The following HPF1 variants were observed in gnomAD, a reference collection of about 807,000 sequenced individuals.
HPF1 encodes UPF0609 protein C4orf27.
In HPF1, 35 loss-of-function variants were observed where a neutral mutation model predicts 38.8. The observed-to-expected ratio is 0.90, with a 90% CI of 0.69 to 1.19. HPF1 has a LOEUF of 1.19. HPF1 is among the 50% of genes most tolerant of loss of function. HPF1 has a pLI of 0.00. For missense variants in HPF1, 367 were observed against 405.8 expected (o/e 0.90, Z 0.82); for synonymous variants, 115 against 139.2 (o/e 0.83, Z 1.22).
chr4:169,735,313 A>G (rs1017680316), intron 6 of HPF1, among the ~76,000 whole-genome samples: 9 of 152,202 alleles, frequency 5.9e-5, no homozygotes, highest in African/African-American at 2.4e-5. Flanking sequence ...GAATTGCTCA[A>G]TAAAACGTAT....
intron 5 of HPF1, 124 bp downstream of exon 5, chr4:169,741,833 A>AG: frequency 5.2e-6 from 4 of 764,952 alleles, no homozygotes; most frequent in Non-Finnish European, 8.3e-6. Context: ...AACATCCCTA[A>AG]GGGACAGCAT....
chr4:169,742,623 T>G (rs534591910), intron 4 of HPF1, among the ~76,000 whole-genome samples: 2 of 152,122 alleles, frequency 1.3e-5, no homozygotes, highest in Non-Finnish European at 2.9e-5. Flanking sequence ...AAACCCCGTC[T>G]CTACTAAAAA....
chr4:169,756,576 C>T (rs1191181127), intron 1 of HPF1, among the ~76,000 whole-genome samples: 1 of 152,178 alleles, frequency 6.6e-6, no homozygotes, highest in African/African-American at 2.4e-5. Flanking sequence ...GTTACTTAAC[C>T]TCTCTGTGCT....
intron 4 of HPF1, among the ~76,000 whole-genome samples, chr4:169,742,583 G>A (rs541705403): frequency 6.6e-6 from 1 of 152,166 alleles, no homozygotes; most frequent in African/African-American, 2.4e-5. Flanking sequence ...ATGAGGTCAG[G>A]AGATCAAGAC....
intron 6 of HPF1, among the ~76,000 whole-genome samples, chr4:169,732,455 TAA>T (rs1733842627): frequency 6.6e-6 from 1 of 152,170 alleles, no homozygotes; most frequent in Admixed American, 6.5e-5. Flanking sequence ...ATGATTTTTT[TAA>T]AAAGTCTATT....
intron 1 of HPF1, among the ~76,000 whole-genome samples, chr4:169,756,370 A>G (rs1364263183): frequency 1.3e-5 from 2 of 152,232 alleles, no homozygotes; most frequent in Admixed American, 1.3e-4. Context: ...CATCAAATAT[A>G]GAACAGTAGG....
intron 5 of HPF1, among the ~76,000 whole-genome samples, chr4:169,738,991 G>C (rs1235638308): frequency 6.6e-6 from 1 of 151,878 alleles, no homozygotes; most frequent in African/African-American, 2.4e-5. Context: ...GCCTGTGGTG[G>C]GGTGGGGGGA....
rs138858054 is a variant in HPF1 at position 169,741,357 on chromosome 4, C to G, written c.648+600G>C. ...AATTTTTTTTTTGTTTTTGTTTTTT[C>G]CCCAGAGGCCATAAGAACAAACTCC... On this transcript the variant is annotated intron_variant, in intron 5 of 7. Coordinates refer to ENST00000393381, the MANE Select transcript of HPF1 (RefSeq NM_017867.3). Among the ~76,000 whole-genome samples the G allele has an allele frequency of 3.6e-3, 540 of 151,814 alleles. 4 individuals are homozygous for G. Among genetic ancestry groups the G allele is most frequent in the African/African-American group, 0.012 (511 of 41,436 alleles).
At chr4:169,737,852 A>T (rs573892274) in intron 5 of HPF1, 105 bp from the exon 6 acceptor site, 1 of 748,940 alleles carries the variant, frequency 1.3e-6, no homozygotes, top group Non-Finnish European at 2.3e-6. Context: ...TGTAACATTT[A>T]ATCACATTTT....
In HPF1 at chr4:169,750,651, T is replaced by C. The variant is rs777110802; in HGVS notation, c.283A>G (p.Lys95Glu). Residue 95 changes from lysine to glutamate, a missense_variant, in exon 3 of 8, where the codon AAA becomes GAA. Lys to Glu is a moderately conservative substitution (Grantham distance 56, BLOSUM62 1). Transcript: ENST00000393381. Reference sequence around the variant, plus strand: ...TTAAAATTCAGGCCTGTTGATTTTTTCTTCGTTTTATGTTTTCCAGCAAGG... The same window carrying C: ...TTAAAATTCAGGCCTGTTGATTTTTCCTTCGTTTTATGTTTTCCAGCAAGG... The part of the protein sequence containing the change: ...DILAGKHKTK[K>E]KSTGLNFNLH... 6.2e-7 allele frequency: 1 copy of C among 1,613,874 alleles called. No individual in the cohort carries two copies. The highest frequency in any genetic ancestry group is 1.7e-5 in the Admixed American group (1 of 60,006).
intron 5 of HPF1, among the ~76,000 whole-genome samples, chr4:169,739,172 G>A (rs1733935280): frequency 6.6e-6 from 1 of 151,904 alleles, no homozygotes; most frequent in Non-Finnish European, 1.5e-5. Context: ...CTACTCGAAG[G>A]TAAATTTTAA....
intron 6 of HPF1, among the ~76,000 whole-genome samples, chr4:169,735,214 T>C (rs1029845894): frequency 6.6e-6 from 1 of 152,128 alleles, no homozygotes; most frequent in Non-Finnish European, 1.5e-5. Flanking sequence ...CTATTTCCTT[T>C]GTGAACATGG....
intron 5 of HPF1, among the ~76,000 whole-genome samples, chr4:169,740,878 A>G (rs1033902440): frequency 6.6e-6 from 1 of 152,244 alleles, no homozygotes; most frequent in Non-Finnish European, 1.5e-5. Flanking sequence ...ATAATTTGCT[A>G]ACAGCTATTA....
chr4:169,747,397 C>T (rs1734063265), intron 4 of HPF1, among the ~76,000 whole-genome samples: 1 of 152,024 alleles, frequency 6.6e-6, no homozygotes, highest in African/African-American at 2.4e-5. Context: ...CCAGTATGTA[C>T]GTAGCATAGT....
intron 7 of HPF1, among the ~76,000 whole-genome samples, chr4:169,730,063 A>C (rs1347428733): frequency 2.6e-5 from 4 of 152,184 alleles, no homozygotes; most frequent in African/African-American, 7.2e-5. Context: ...TATTTTCCTC[A>C]ATTCTGTAAG....
chr4:169,754,129 G>C (rs1347350857), intron 1 of HPF1, among the ~76,000 whole-genome samples: 1 of 152,192 alleles, frequency 6.6e-6, no homozygotes, highest in African/African-American at 2.4e-5. Context: ...CAGGAAGAGA[G>C]GAATAAAGAA....
In HPF1 at chr4:169,729,668, A is replaced by C; in HGVS notation, c.951T>G (p.Tyr317Ter). ...KVAGQLLPLAYNLLKRNLFAE... is the reference protein window; with the variant it reads ...KVAGQLLPLA ...CAAACAGATTCCTCTTCAACAGATT[A>C]TATGCAAGAGGTAAAAGCTGGCCAG... is the stretch of plus-strand genomic sequence containing the variant. Residue 317 changes from tyrosine to a stop codon, truncating the protein, a stop_gained, in exon 8 of 8, where the codon TAT becomes TAG. Coordinates refer to ENST00000393381, the MANE Select transcript of HPF1 (RefSeq NM_017867.3). LOFTEE classifies it high-confidence loss of function. 1 of 1,574,288 alleles carries C rather than the reference A, an allele frequency of 6.4e-7. No homozygotes were observed. Among genetic ancestry groups the C allele is most frequent in the East Asian group, 2.3e-5 (1 of 43,384 alleles).
intron 6 of HPF1, among the ~76,000 whole-genome samples, chr4:169,732,474 T>G (rs1051030834): frequency 1.3e-5 from 2 of 152,076 alleles, no homozygotes; most frequent in African/African-American, 4.8e-5. Flanking sequence ...TATTCCATGG[T>G]GGTCATCATG....
Position 169,741,360 on chromosome 4 carries a change from C to T in HPF1, c.648+597G>A, listed in dbSNP as rs143083747. 3.1e-3 allele frequency among the ~76,000 whole-genome samples: 466 copies of T among 152,096 alleles called. 4 individuals carry two copies. Among genetic ancestry groups the T allele is most frequent in the African/African-American group, 0.01 (430 of 41,508 alleles). ...TTTTTTTTTGTTTTTGTTTTTTCCC[C>T]AGAGGCCATAAGAACAAACTCCTAT... is the stretch of plus-strand genomic sequence containing the variant. On this transcript the variant is annotated intron_variant, in intron 5 of 7. Transcript: ENST00000393381.
Sources: gnomAD v4.1 joint callset for allele counts (sites outside exome capture counted in the v4.1 genomes callset) on GRCh38, gnomAD v4.1.1 for gene constraint, MANE v1.5 for transcripts, NCBI Gene and HGNC (gene_info 2026-07-23, HGNC 2026-07-21) for gene names.